TBC1D19: variants seen among roughly 807,000 people sequenced by gnomAD.
TBC1D19 encodes the protein TBC1 domain family, member 19.
TBC1D19 carries 60 observed loss-of-function variants against 89.0 expected under a neutral mutation model. The ratio of observed to expected loss-of-function variants is 0.67; its 90% confidence interval spans 0.55 to 0.84. The LOEUF is 0.84. Among genes scored for constraint, TBC1D19 ranks in the 40% least tolerant of loss-of-function variants. The probability of loss-of-function intolerance (pLI) is 0.00; values close to 1 mark genes in which losing one functional copy is unlikely to be tolerated. For missense variants in TBC1D19, 500 were observed against 610.8 expected (o/e 0.82, Z 1.91); for synonymous variants, 189 against 199.7 (o/e 0.95, Z 0.45).
At chr4:26,735,205 T>G (rs1717970551) in intron 15 of TBC1D19, among the ~76,000 whole-genome samples, 1 of 151,658 alleles carries the variant, frequency 6.6e-6, no homozygotes, top group South Asian at 2.1e-4. Context: ...CATATATATA[T>G]TCAAAGCTTT....
intron 7 of TBC1D19, among the ~76,000 whole-genome samples, chr4:26,654,008 G>T (rs1283040528): frequency 6.6e-6 from 1 of 152,154 alleles, no homozygotes; most frequent in Admixed American, 6.5e-5. Flanking sequence ...GCAGTGGCTG[G>T]TACCGGTTAT....
At chr4:26,734,148 G>A (rs185060697) in intron 15 of TBC1D19, among the ~76,000 whole-genome samples, 6 of 152,282 alleles carry the variant, frequency 3.9e-5, no homozygotes, top group Non-Finnish European at 2.9e-5. Context: ...ATTTCAGGGA[G>A]CCAGAGTTTG....
upstream of TBC1D19, among the ~76,000 whole-genome samples, chr4:26,583,228 G>T (rs1739180282): frequency 1.3e-5 from 2 of 152,066 alleles, no homozygotes; most frequent in African/African-American, 4.8e-5. Context: ...GGTGCCGTTG[G>T]CCTTTGGGGA....
chr4:26,617,430 A>G (rs933920092), intron 3 of TBC1D19, among the ~76,000 whole-genome samples: 3 of 152,268 alleles, frequency 2.0e-5, no homozygotes, highest in East Asian at 1.9e-4. Flanking sequence ...CTCCAGCTAT[A>G]TAATTCCAAA....
chr4:26,702,828 A>G (rs1466399372), intron 13 of TBC1D19, among the ~76,000 whole-genome samples: 1 of 152,202 alleles, frequency 6.6e-6, no homozygotes, highest in East Asian at 1.9e-4. Context: ...ATCTCCCATG[A>G]CAGAAACATT....
chr4:26,578,690 CCTG>C (rs1330999265), intron 1 of TBC1D19, among the ~76,000 whole-genome samples: 1 of 152,094 alleles, frequency 6.6e-6, no homozygotes, highest in Non-Finnish European at 1.5e-5. Flanking sequence ...CCAAGTGAAT[CCTG>C]CTCTACTGTT....
intron 9 of TBC1D19, among the ~76,000 whole-genome samples, chr4:26,671,492 C>G (rs913711609): frequency 1.3e-5 from 2 of 151,736 alleles, no homozygotes. Context: ...CATTTTCGCT[C>G]TCTTAACAGT....
intron 11 of TBC1D19, among the ~76,000 whole-genome samples, chr4:26,675,155 A>T (rs926812926): frequency 2.0e-5 from 3 of 152,094 alleles, no homozygotes; most frequent in African/African-American, 7.2e-5. Flanking sequence ...GTAGAAGAAG[A>T]TACAACTCTT....
At chr4:26,639,782 G>A (rs191028071) in intron 6 of TBC1D19, among the ~76,000 whole-genome samples, 2 of 152,294 alleles carry the variant, frequency 1.3e-5, no homozygotes, top group Admixed American at 6.5e-5. Context: ...AGGGGGAATA[G>A]TTTAATACAA....
the TBC1D19 span, among the ~76,000 whole-genome samples, chr4:26,764,427 G>A: frequency 0.013 from 1,960 of 152,258 alleles, 34 homozygotes; most frequent in African/African-American, 0.044. Context: ...TCAGGAGCCT[G>A]TGTCTAACTC....
chr4:26,628,002 G>A (rs2110052662), intron 4 of TBC1D19, among the ~76,000 whole-genome samples: 1 of 152,224 alleles, frequency 6.6e-6, no homozygotes, highest in South Asian at 2.1e-4. Flanking sequence ...TTTTCTTCTA[G>A]GGTTTTTATG....
the TBC1D19 span, among the ~76,000 whole-genome samples, chr4:26,798,747 C>A: frequency 6.6e-6 from 1 of 151,322 alleles, no homozygotes; most frequent in Non-Finnish European, 1.5e-5. Context: ...GAGCTGAAGG[C>A]CATTATCCTA....
At chr4:26,626,026 G>A (rs375467670) in intron 4 of TBC1D19, among the ~76,000 whole-genome samples, 18 of 152,182 alleles carry the variant, frequency 1.2e-4, no homozygotes, top group South Asian at 4.1e-4. Context: ...TGAGGGAGGG[G>A]TATCTACATA....
chr4:26,804,474 C>T, the TBC1D19 span, among the ~76,000 whole-genome samples: 31 of 152,352 alleles, frequency 2.0e-4, no homozygotes, highest in Middle Eastern at 0.017. Context: ...AAGCTGGAAG[C>T]TTGGTAATGG....
chr4:26,817,174 A>G, the TBC1D19 span, among the ~76,000 whole-genome samples: 3 of 152,070 alleles, frequency 2.0e-5, no homozygotes, highest in African/African-American at 7.3e-5. Flanking sequence ...TTGCACATAC[A>G]CTCTTGTAGA....
chr4:26,696,072 TAA>T (rs960219349), intron 13 of TBC1D19, among the ~76,000 whole-genome samples: 2 of 152,088 alleles, frequency 1.3e-5, no homozygotes, highest in Non-Finnish European at 2.9e-5. Flanking sequence ...GCACATTGGG[TAA>T]AGAGTCAAGA....
rs532278500 is a variant in TBC1D19, at chr4:26,604,748, G to A, written c.100-8421G>A. The stretch of plus-strand genomic sequence containing the variant: ...AAAAAAAAATTAGCCGGGCATGGTG[G>A]CGGGTGCCTGTAGTCCTAGCTACTC... On this transcript the variant is annotated intron_variant, in intron 1 of 20. Coordinates refer to ENST00000264866, the MANE Select transcript of TBC1D19 (RefSeq NM_018317.4). 4.6e-5 allele frequency among the ~76,000 whole-genome samples: 7 copies of A among 151,904 alleles called. No individual in the cohort carries two copies. In the East Asian group the frequency reaches 1.4e-3, roughly 30 times the overall value.
Position 26,713,474 on chromosome 4 carries a change from G to C in TBC1D19, c.955-4459G>C, listed in dbSNP as rs147208242. ...ACTAGAGATGTTCCCACTAAAGGAA[G>C]GAAAGAACATATCATTTTGGAATTT... On this transcript the variant is annotated intron_variant, in intron 13 of 20. Transcript: ENST00000264866. 7.6e-4 allele frequency among the ~76,000 whole-genome samples: 116 copies of C among 151,830 alleles called. 1 individual carries two copies. Among genetic ancestry groups the C allele is most frequent in the African/African-American group, 2.5e-3 (104 of 41,418 alleles).
chr4:26,850,540 C>CAAAAAA, the TBC1D19 span, among the ~76,000 whole-genome samples: 37 of 90,392 alleles, frequency 4.1e-4, 3 homozygotes, highest in African/African-American at 1.7e-3. Flanking sequence ...GACCCTGTCT[C>CAAAAAA]AAAAAAAAAA....
Sources: gnomAD v4.1 joint callset for allele counts (sites outside exome capture counted in the v4.1 genomes callset) on GRCh38, gnomAD v4.1.1 for gene constraint, MANE v1.5 for transcripts, NCBI Gene and HGNC (gene_info 2026-07-23, HGNC 2026-07-21) for gene names.